USP3: variants seen among roughly 807,000 people sequenced by gnomAD.
USP3 encodes the protein ubiquitin specific peptidase 3, also known as ubiquitin carboxyl-terminal hydrolase 3.
USP3 carries 20 observed loss-of-function variants against 72.3 expected under a neutral mutation model. The observed-to-expected ratio is 0.28, with a 90% CI of 0.19 to 0.40. USP3 has a LOEUF of 0.40. USP3 is among the 10% of genes least tolerant of loss of function. USP3 has a pLI of 1.00. For synonymous variants in USP3, 222 were observed against 225.3 expected (o/e 0.99, Z 0.13); for missense variants, 479 against 633.9 (o/e 0.76, Z 2.62).
rs1270722428 is a variant in USP3 at position 63,570,657 on chromosome 15, A to G, written c.908+78A>G. The G allele has an allele frequency of 1.3e-6, 2 of 1,530,952 alleles. No homozygotes were observed. The highest frequency in any genetic ancestry group is 1.8e-6 in the Non-Finnish European group (2 of 1,141,510). The allele number at this position is 1,530,952 out of a possible 1,614,324, so 94.8% of individuals were successfully genotyped here. A position where few individuals can be genotyped will look rare whatever the true frequency, so the allele number is the denominator to read the frequency against. On this transcript the variant is annotated intron_variant, in intron 9 of 14. Transcript: ENST00000380324. This position sits in a 1 kb window ranked among gnomAD's most constrained non-coding sequence, Gnocchi z 4.4. ...GTGTTAATTATGTGTTAGATTTATA[A>G]CGGAAGGTAGAGGGGTTTCTTGGAC...
intron 11 of USP3, among the ~76,000 whole-genome samples, chr15:63,577,599 AAAATT>A (rs2066884142): frequency 6.6e-6 from 1 of 152,178 alleles, no homozygotes; most frequent in African/African-American, 2.4e-5. Context: ...TAAAAATACA[AAAATT>A]AGCTGGGCAT....
chr15:63,519,355 A>G (rs1290846917), intron 1 of USP3, among the ~76,000 whole-genome samples: 1 of 149,658 alleles, frequency 6.7e-6, no homozygotes, highest in Admixed American at 6.6e-5. Context: ...CTATTCTAAC[A>G]TCATAATGTC....
At chr15:63,547,399 A>T (rs528520206) in intron 3 of USP3, among the ~76,000 whole-genome samples, 116 of 152,234 alleles carry the variant, frequency 7.6e-4, no homozygotes, top group East Asian at 7.2e-3. Flanking sequence ...TAAAAAAAAA[A>T]TTTTTAAACC....
Position 63,570,725 on chromosome 15 carries a change from G to C in USP3, c.908+146G>C. On this transcript the variant is annotated intron_variant, in intron 9 of 14. Transcript: ENST00000380324. The surrounding 1 kb of genome is among the most constrained non-coding windows in gnomAD (Gnocchi z 4.4). ...GTGCCCTTGAACTTTGTGACCCAGT[G>C]AACTAGCACATACCTCTTGCTTCTA... 8.7e-7 allele frequency: 1 copy of C among 1,143,208 alleles called. No individual in the cohort carries two copies. The highest frequency in any genetic ancestry group is 1.6e-5 in the South Asian group (1 of 62,606). The allele number at this position is 1,143,208 out of a possible 1,614,324, so 70.8% of individuals were successfully genotyped here.
chr15:63,522,968 TA>T (rs1264619801), intron 1 of USP3, among the ~76,000 whole-genome samples: 2 of 152,208 alleles, frequency 1.3e-5, no homozygotes, highest in African/African-American at 4.8e-5. Flanking sequence ...CTTCTGTACT[TA>T]AATGTTTTAC....
At chr15:63,548,525 A>T (rs1306115854) in intron 3 of USP3, among the ~76,000 whole-genome samples, 1 of 151,928 alleles carries the variant, frequency 6.6e-6, no homozygotes, top group Admixed American at 6.6e-5. Context: ...ACAGGGTTTC[A>T]CCATGTTGGT....
At chr15:63,512,384 T>TCC (rs375614651) in intron 1 of USP3, among the ~76,000 whole-genome samples, 5 of 151,186 alleles carry the variant, frequency 3.3e-5, no homozygotes, top group Admixed American at 2.0e-4. Context: ...TCTTCTTTCT[T>TCC]TTTCTTCTTT....
rs1197917222 is a variant in USP3 at position 63,575,156 on chromosome 15, TG to T, written c.1096+755del. On this transcript the variant is annotated intron_variant, in intron 11 of 14. Transcript: ENST00000380324. ...TCTATTTTAGGGAGTATTGTCATGA[TG>T]GTTTTTTTTTTTTTTTTTTTTTACA... Among the ~76,000 whole-genome samples, 563 of 119,284 alleles carry T rather than the reference TG, an allele frequency of 4.7e-3. 3 individuals are homozygous for T. The highest frequency in any genetic ancestry group is 0.02 in the African/African-American group (542 of 26,642). The allele number at this position is 119,284 out of a possible 152,430, so 78.3% of individuals were successfully genotyped here.
chr15:63,529,062 T>G lies in USP3; in HGVS notation c.92-3585T>G. The stretch of plus-strand genomic sequence containing the variant: ...ACTGTATTATGCCCTCAGAGAGTAC[T>G]GTATGTTGCCCAGGCTGGCCTCGAA... On this transcript the variant is annotated intron_variant, in intron 1 of 14. Coordinates refer to ENST00000380324, the MANE Select transcript of USP3 (RefSeq NM_006537.4). The surrounding 1 kb of genome is among the most constrained non-coding windows in gnomAD (Gnocchi z 4.2). 1 of 1,288,858 alleles carries G rather than the reference T, an allele frequency of 7.8e-7. No homozygotes were observed. The highest frequency in any genetic ancestry group is 1.0e-6 in the Non-Finnish European group (1 of 988,434). 79.8% of individuals were successfully genotyped at this position (1,288,858 alleles called of 1,614,324 possible). A position where few individuals can be genotyped will look rare whatever the true frequency, so the allele number is the denominator to read the frequency against.
chr15:63,542,210 T>A (rs2066255261), intron 3 of USP3: 2 of 984,464 alleles, frequency 2.0e-6, no homozygotes, highest in African/African-American at 3.5e-5. Flanking sequence ...TTTTTCTCTG[T>A]CTTGGGTATG....
At chr15:63,542,034 G>T in intron 3 of USP3, 1 of 985,028 alleles carries the variant, frequency 1.0e-6, no homozygotes, top group Non-Finnish European at 1.2e-6. Context: ...TTATTTGTAT[G>T]ATTATTCCTC....
At chr15:63,547,992 T>TC (rs2066376671) in intron 3 of USP3, among the ~76,000 whole-genome samples, 1 of 151,366 alleles carries the variant, frequency 6.6e-6, no homozygotes, top group South Asian at 2.1e-4. Context: ...GTGCCTGCAG[T>TC]CCCAACTACT....
At chr15:63,527,631 A>G (rs936557833) in intron 1 of USP3, among the ~76,000 whole-genome samples, 2 of 152,250 alleles carry the variant, frequency 1.3e-5, no homozygotes, top group African/African-American at 4.8e-5. Context: ...GCTATGTAGA[A>G]ATAACATATT....
chr15:63,547,854 G>GGCAT lies in USP3; in HGVS notation c.285-5861_285-5860insGCAT, dbSNP rs1479788773. Among the ~76,000 whole-genome samples the GGCAT allele has an allele frequency of 2.7e-3, 286 of 106,012 alleles. 13 individuals carry two copies. The highest frequency in any genetic ancestry group is 0.011 in the African/African-American group (276 of 25,434). The allele number at this position is 106,012 out of a possible 152,430, so 69.5% of individuals were successfully genotyped here. On this transcript the variant is annotated intron_variant, in intron 3 of 14. Coordinates refer to ENST00000380324, the MANE Select transcript of USP3 (RefSeq NM_006537.4). ...AGAGAGAGGGAGGGAGGGAGAGAGA[G>GGCAT]AGAGAGAGGCATAGAGAGAGAGAGA...
rs1466635421 is a variant in USP3, at chr15:63,575,007, T to TTATA, written c.1096+607_1096+610dup. Among the ~76,000 whole-genome samples, 5 of 152,266 alleles carry TTATA rather than the reference T, an allele frequency of 3.3e-5. No homozygotes were observed. In the East Asian group the frequency reaches 5.8e-4, roughly 18 times the overall value. Reference sequence around the variant, plus strand: ...TAAAATGACTAATTGTTCTTGCTAGTTATATAAAGAAGCTAGGATAGACCA... The same window carrying TTATA: ...TAAAATGACTAATTGTTCTTGCTAGTTATATATATAAAGAAGCTAGGATAGACCA... On this transcript the variant is annotated intron_variant, in intron 11 of 14. Coordinates refer to ENST00000380324, the MANE Select transcript of USP3 (RefSeq NM_006537.4).
At chr15:63,505,163 G>C (rs1384610132) in intron 1 of USP3, among the ~76,000 whole-genome samples, 1 of 151,918 alleles carries the variant, frequency 6.6e-6, no homozygotes, top group Admixed American at 6.6e-5. Flanking sequence ...GCCGGGGGCT[G>C]TGCCCGTCCG....
chr15:63,560,606 G>A (rs1264982515), intron 7 of USP3, among the ~76,000 whole-genome samples: 1 of 151,784 alleles, frequency 6.6e-6, no homozygotes, highest in East Asian at 1.9e-4. Flanking sequence ...ACAGTGTTAG[G>A]TAAACCTGTC....
At chr15:63,563,890 C>G (rs913240132) in intron 8 of USP3, among the ~76,000 whole-genome samples, 1 of 152,110 alleles carries the variant, frequency 6.6e-6, no homozygotes, top group African/African-American at 2.4e-5. Flanking sequence ...TAAATTGTTG[C>G]CTTGCTAAAA....
chr15:63,511,266 T>TA lies in USP3; in HGVS notation c.91+6452dup, dbSNP rs61283920. ...TTCAGACTTTTAGCTTGCTTTTTCT[T>TA]AAAAAAAAAAAAAAAAGAGTCTTTA... On this transcript the variant is annotated intron_variant, in intron 1 of 14. Coordinates refer to ENST00000380324, the MANE Select transcript of USP3 (RefSeq NM_006537.4). Among the ~76,000 whole-genome samples, 23 of 42,868 alleles carry TA rather than the reference T, an allele frequency of 5.4e-4. 1 individual carries two copies. The highest frequency in any genetic ancestry group is 3.9e-3 in the Admixed American group (9 of 2,316). The allele number at this position is 42,868 out of a possible 152,430, so 28.1% of individuals were successfully genotyped here. A position where few individuals can be genotyped will look rare whatever the true frequency, so the allele number is the denominator to read the frequency against.
Sources: gnomAD v4.1 joint callset for allele counts (sites outside exome capture counted in the v4.1 genomes callset) on GRCh38, gnomAD v4.1.1 for gene constraint, Gnocchi (gnomAD v3.1) non-coding constraint, MANE v1.5 for transcripts, NCBI Gene and HGNC (gene_info 2026-07-23, HGNC 2026-07-21) for gene names.